The following CDH12 variants were observed in gnomAD, a reference collection of about 807,000 sequenced individuals.
CDH12 encodes the protein cadherin-12.
A neutral mutation model predicts 74.1 loss-of-function variants in CDH12; 41 were observed. The observed-to-expected ratio is 0.55, with a 90% CI of 0.43 to 0.72. CDH12 has a LOEUF of 0.72. Among genes scored for constraint, CDH12 ranks in the 30% least tolerant of loss-of-function variants. The pLI, the probability that CDH12 is intolerant of heterozygous loss-of-function variation, is 0.00. For missense variants in CDH12, 945 were observed against 977.2 expected, an observed-to-expected ratio of 0.97 and a Z score of 0.44; for synonymous variants, 399 against 355.0, an observed-to-expected ratio of 1.12 and a Z score of -1.39.
At chr5:22,715,758 G>A (rs114229091) in intron 1 of CDH12, among the ~76,000 whole-genome samples, 6,044 of 148,484 alleles carry the variant, frequency 0.041, 173 homozygotes, top group Admixed American at 0.071. Context: ...CCAAGATCGC[G>A]CCATTGCACT....
intron 8 of CDH12, among the ~76,000 whole-genome samples, chr5:21,821,293 A>C (rs966570800): frequency 6.6e-6 from 1 of 151,846 alleles, no homozygotes; most frequent in Non-Finnish European, 1.5e-5. Flanking sequence ...ATTTCCAGAT[A>C]CTGATGAAAA....
intron 6 of CDH12, among the ~76,000 whole-genome samples, chr5:21,950,331 A>G (rs981184866): frequency 1.3e-5 from 2 of 152,222 alleles, no homozygotes; most frequent in African/African-American, 4.8e-5. Flanking sequence ...TAAGTGATGC[A>G]ACATTGTATT....
At chr5:22,116,860 G>C (rs1395763904) in intron 4 of CDH12, among the ~76,000 whole-genome samples, 1 of 113,872 alleles carries the variant, frequency 8.8e-6, no homozygotes, top group East Asian at 2.6e-4. Context: ...GCATCTGCAA[G>C]TCTCTTTTTT....
intron 1 of CDH12, among the ~76,000 whole-genome samples, chr5:22,597,907 A>C (rs1317455332): frequency 2.6e-5 from 4 of 152,216 alleles, no homozygotes; most frequent in Admixed American, 2.0e-4. Flanking sequence ...TAACTTTACA[A>C]AATAAAAATA....
intron 1 of CDH12, among the ~76,000 whole-genome samples, chr5:22,690,658 T>C (rs940436668): frequency 2.0e-5 from 3 of 152,154 alleles, no homozygotes; most frequent in African/African-American, 7.2e-5. Context: ...TGATAACCTT[T>C]TTGTAAGTTC....
At chr5:22,119,857 TA>T (rs1189655662) in intron 4 of CDH12, among the ~76,000 whole-genome samples, 2 of 152,168 alleles carry the variant, frequency 1.3e-5, no homozygotes, top group African/African-American at 4.8e-5. Context: ...TGCTTGGAGA[TA>T]AGTGATTTCC....
chr5:22,565,332 A>G (rs1316682744), intron 1 of CDH12, among the ~76,000 whole-genome samples: 1 of 152,202 alleles, frequency 6.6e-6, no homozygotes, highest in African/African-American at 2.4e-5. Context: ...AGTCTTCTCC[A>G]TAGTGGCTAT....
chr5:22,366,671 T>G (rs1741044841), intron 3 of CDH12, among the ~76,000 whole-genome samples: 1 of 152,186 alleles, frequency 6.6e-6, no homozygotes, highest in African/African-American at 2.4e-5. Flanking sequence ...TACTTTATTG[T>G]GGAATGGATG....
chr5:22,614,223 AAAC>A (rs890495337), intron 1 of CDH12, among the ~76,000 whole-genome samples: 2 of 152,252 alleles, frequency 1.3e-5, no homozygotes, highest in African/African-American at 4.8e-5. Context: ...ACTTGTTGCA[AAAC>A]AATGAGGGCG....
rs1749140280 is a variant in CDH12, at chr5:22,173,272, AT to A, written c.-187+39225del. 2.7e-5 allele frequency among the ~76,000 whole-genome samples: 4 copies of A among 146,904 alleles called. No homozygotes were observed. The South Asian group carries it at 8.3e-4, about 31-fold the overall frequency. On this transcript the variant is annotated intron_variant, in intron 4 of 14. Coordinates refer to ENST00000382254, the MANE Select transcript of CDH12 (RefSeq NM_004061.5). ...ATATAATTTATATAATTTAAATTTT[AT>A]AATTATATAATTTATGTAATTATAT...
intron 1 of CDH12, among the ~76,000 whole-genome samples, chr5:22,766,396 T>C (rs1054877049): frequency 4.6e-5 from 7 of 152,058 alleles, no homozygotes; most frequent in African/African-American, 1.7e-4. Context: ...ACAATGGAAC[T>C]GTGCAGCAGT....
chr5:22,247,822 A>G (rs1440847630), intron 3 of CDH12, among the ~76,000 whole-genome samples: 1 of 152,192 alleles, frequency 6.6e-6, no homozygotes, highest in Non-Finnish European at 1.5e-5. Context: ...ATAAGGAGCA[A>G]AAGTCACATG....
At chr5:22,823,696 G>C (rs920658743) in intron 1 of CDH12, among the ~76,000 whole-genome samples, 5 of 152,058 alleles carry the variant, frequency 3.3e-5, no homozygotes, top group African/African-American at 1.2e-4. Flanking sequence ...CATGGGGGCA[G>C]TTTCCCCCAT....
intron 1 of CDH12, among the ~76,000 whole-genome samples, chr5:22,739,364 A>G (rs1446906999): frequency 6.6e-6 from 1 of 151,894 alleles, no homozygotes. Flanking sequence ...TCACAATACT[A>G]CGTAAAATAT....
chr5:22,262,372 G>C (rs1251693554), intron 3 of CDH12, among the ~76,000 whole-genome samples: 1 of 149,802 alleles, frequency 6.7e-6, no homozygotes, highest in South Asian at 2.1e-4. Context: ...TGAGGTGTTT[G>C]GTTTTTTGTT....
At chr5:22,542,399 C>T (rs904220438) in intron 1 of CDH12, among the ~76,000 whole-genome samples, 4 of 152,154 alleles carry the variant, frequency 2.6e-5, no homozygotes, top group African/African-American at 9.7e-5. Context: ...TGCCAAGTGG[C>T]TGTTCAATCA....
rs548503543 is a variant in CDH12, at chr5:22,008,386, C to T, written c.232-33001G>A. Among the ~76,000 whole-genome samples, 27 of 152,112 alleles carry T rather than the reference C, an allele frequency of 1.8e-4. No homozygotes were observed. The South Asian group carries it at 2.5e-3, about 14-fold the overall frequency. On this transcript the variant is annotated intron_variant, in intron 5 of 14. Coordinates refer to ENST00000382254, the MANE Select transcript of CDH12 (RefSeq NM_004061.5). Reference sequence around the variant, plus strand: ...CTGGGATTACAGGCGTCCACCACCACGCCTGGCTAATTTTTGTATTTCAGT... The same window carrying T: ...CTGGGATTACAGGCGTCCACCACCATGCCTGGCTAATTTTTGTATTTCAGT...
chr5:22,538,033 A>C (rs1182008840), intron 1 of CDH12, among the ~76,000 whole-genome samples: 1 of 152,222 alleles, frequency 6.6e-6, no homozygotes, highest in Non-Finnish European at 1.5e-5. Context: ...TTCAAGACCT[A>C]GCTGGTCTTT....
intron 4 of CDH12, among the ~76,000 whole-genome samples, chr5:22,132,205 T>G (rs1215951375): frequency 6.6e-6 from 1 of 151,530 alleles, no homozygotes; most frequent in African/African-American, 2.4e-5. Flanking sequence ...CACTGTTGAG[T>G]GGAAGCACCT....
Sources: allele counts gnomAD v4.1 joint callset (sites outside exome capture counted in the v4.1 genomes callset), GRCh38; gene constraint gnomAD v4.1.1; transcripts MANE v1.5; gene names NCBI Gene and HGNC (gene_info 2026-07-23, HGNC 2026-07-21).